Variants in CDH18 observed in about 807,000 individuals in gnomAD.
CDH18 encodes the protein cadherin-18.
Under a neutral mutation model 67.9 loss-of-function variants are expected in CDH18, and 31 were observed. The ratio of observed to expected loss-of-function variants is 0.46; its 90% CI spans 0.34 to 0.62. The LOEUF (loss-of-function observed/expected upper bound fraction) is 0.62, where lower values mean the gene tolerates loss of function less well. Ranked by LOEUF, CDH18 falls within the 20% of genes least tolerant of loss-of-function variation. The pLI, the probability that CDH18 is intolerant of heterozygous loss-of-function variation, is 0.01. For missense variants in CDH18, 890 were observed against 975.5 expected, an observed-to-expected ratio of 0.91 and a Z score of 1.17; for synonymous variants, 362 against 347.2, an observed-to-expected ratio of 1.04 and a Z score of -0.48.
chr5:19,860,243 TTTGCTCTGTCCA>T (rs1784750848), intron 2 of CDH18, among the ~76,000 whole-genome samples: 1 of 152,094 alleles, frequency 6.6e-6, no homozygotes, highest in Admixed American at 6.6e-5. Flanking sequence ...AACCAGACCC[TTTGCTCTGTCCA>T]TTGCATCCAG....
intron 3 of CDH18, among the ~76,000 whole-genome samples, chr5:19,782,151 AT>A: frequency 6.6e-6 from 1 of 152,250 alleles, no homozygotes; most frequent in South Asian, 2.1e-4. Flanking sequence ...AAGACGTTTA[AT>A]TTACTCATAG....
At chr5:20,399,564 C>A (rs1745583655) in intron 1 of CDH18, among the ~76,000 whole-genome samples, 1 of 152,146 alleles carries the variant, frequency 6.6e-6, no homozygotes, top group African/African-American at 2.4e-5. Context: ...CACTGAAAAG[C>A]CACTCCATCT....
intron 8 of CDH18, among the ~76,000 whole-genome samples, chr5:19,569,625 C>T (rs182871138): frequency 1.3e-5 from 2 of 152,212 alleles, no homozygotes. Context: ...TATAATATCG[C>T]ACGTTACAAG....
At chr5:19,596,741 A>G (rs1481355272) in intron 6 of CDH18, among the ~76,000 whole-genome samples, 1 of 152,224 alleles carries the variant, frequency 6.6e-6, no homozygotes, top group African/African-American at 2.4e-5. Flanking sequence ...TTTATAGAAA[A>G]AAAACCTGAT....
intron 2 of CDH18, among the ~76,000 whole-genome samples, chr5:20,093,356 CT>C (rs35736724): frequency 2.5e-4 from 37 of 148,202 alleles, no homozygotes; most frequent in Admixed American, 1.1e-3. Context: ...CTCCTGTATT[CT>C]TTTTTTTTTT....
At chr5:20,215,916 C>A (rs1223625060) in intron 2 of CDH18, among the ~76,000 whole-genome samples, 1 of 151,622 alleles carries the variant, frequency 6.6e-6, no homozygotes, top group African/African-American at 2.4e-5. Flanking sequence ...TAAATGGTAG[C>A]TAAATGATGG....
intron 4 of CDH18, among the ~76,000 whole-genome samples, chr5:19,724,219 A>G (rs1766505891): frequency 6.6e-6 from 1 of 152,192 alleles, no homozygotes; most frequent in African/African-American, 2.4e-5. Flanking sequence ...AACAACTTGT[A>G]TGAATCTTCA....
chr5:20,249,034 T>C (rs1051986804), intron 2 of CDH18, among the ~76,000 whole-genome samples: 4 of 152,170 alleles, frequency 2.6e-5, no homozygotes, highest in Non-Finnish European at 4.4e-5. Context: ...GAAAGTCATA[T>C]AGAAATAAAC....
At chr5:19,700,550 C>G (rs907667123) in intron 5 of CDH18, among the ~76,000 whole-genome samples, 14 of 152,068 alleles carry the variant, frequency 9.2e-5, no homozygotes, top group Admixed American at 2.0e-4. Flanking sequence ...TTTTCATGCA[C>G]AGTTTCTATA....
chr5:20,097,587 C>T (rs1292857105), intron 2 of CDH18, among the ~76,000 whole-genome samples: 1 of 152,078 alleles, frequency 6.6e-6, no homozygotes, highest in Non-Finnish European at 1.5e-5. Context: ...AACCATGTAA[C>T]TCACTGAATC....
intron 3 of CDH18, among the ~76,000 whole-genome samples, chr5:19,756,370 T>C (rs1581211635): frequency 6.6e-6 from 1 of 152,352 alleles, no homozygotes; most frequent in African/African-American, 2.4e-5. Context: ...TAGCTGGTAT[T>C]GATGACTACT....
At chr5:19,872,460 C>T (rs1374976667) in intron 2 of CDH18, among the ~76,000 whole-genome samples, 1 of 152,256 alleles carries the variant, frequency 6.6e-6, no homozygotes, top group East Asian at 1.9e-4. Context: ...ATTCATTGGC[C>T]TGGCTTAATC....
At chr5:20,340,567 C>T (rs544672295) in intron 1 of CDH18, among the ~76,000 whole-genome samples, 2 of 152,298 alleles carry the variant, frequency 1.3e-5, no homozygotes, top group South Asian at 2.1e-4. Context: ...CTCACTGTCC[C>T]TGGAGGTTTA....
intron 3 of CDH18, among the ~76,000 whole-genome samples, chr5:19,755,874 G>C (rs1372178988): frequency 1.3e-5 from 2 of 152,002 alleles, no homozygotes; most frequent in African/African-American, 4.8e-5. Flanking sequence ...TTTAGACAGT[G>C]TCCACCAGAT....
intron 1 of CDH18, among the ~76,000 whole-genome samples, chr5:20,395,012 A>G (rs1262911366): frequency 1.3e-5 from 2 of 152,202 alleles, no homozygotes; most frequent in African/African-American, 4.8e-5. Context: ...TTAGTACAGC[A>G]TTTGTGGAAA....
intron 3 of CDH18, among the ~76,000 whole-genome samples, chr5:19,785,680 ATATATATATATATATATATATATATATAT>A (rs1775692152): frequency 7.6e-5 from 1 of 13,164 alleles, no homozygotes; most frequent in Middle Eastern, 0.17. Context: ...AAAAAAAAAA[ATATATATATATATATATATATATATATAT>A]ATATATATAT....
chr5:19,532,380 T>C (rs1260356426), intron 9 of CDH18, among the ~76,000 whole-genome samples: 1 of 152,206 alleles, frequency 6.6e-6, no homozygotes, highest in Admixed American at 6.5e-5. Context: ...AAGTACCTTA[T>C]ACATAATTTC....
At chr5:19,515,573 T>G (rs1023180459) in intron 10 of CDH18, among the ~76,000 whole-genome samples, 31 of 152,058 alleles carry the variant, frequency 2.0e-4, no homozygotes, top group Non-Finnish European at 4.1e-4. Context: ...CACATCCCTT[T>G]TAAGTTGTAT....
intron 5 of CDH18, among the ~76,000 whole-genome samples, chr5:19,687,246 G>A (rs1248346383): frequency 6.6e-6 from 1 of 152,078 alleles, no homozygotes; most frequent in African/African-American, 2.4e-5. Flanking sequence ...GCTCCACTTG[G>A]TCCCACACAC....
Sources: allele counts gnomAD v4.1 joint callset (sites outside exome capture counted in the v4.1 genomes callset), GRCh38; gene constraint gnomAD v4.1.1; transcripts MANE v1.5; gene names NCBI Gene and HGNC (gene_info 2026-07-23, HGNC 2026-07-21).